Variants in SDK1 observed in about 807,000 individuals in gnomAD.
SDK1 encodes sidekick cell adhesion molecule 1.
Under a neutral mutation model 245.5 loss-of-function variants are expected in SDK1, and 157 were observed. The observed-to-expected ratio is 0.64, with a 90% CI of 0.56 to 0.73. The LOEUF (loss-of-function observed/expected upper bound fraction) is 0.73. SDK1 is among the 30% of genes least tolerant of loss of function. The probability of loss-of-function intolerance (pLI) is 0.00; values close to 1 mark genes in which losing one functional copy is unlikely to be tolerated. For missense variants in SDK1, 3,583 were observed against 3,002.3 expected (o/e 1.19, Z -4.52); for synonymous variants, 1,647 against 1,278.5 (o/e 1.29, Z -6.15).
At chr7:3,589,052 C>T (rs1170476439) in intron 1 of SDK1, among the ~76,000 whole-genome samples, 1 of 152,224 alleles carries the variant, frequency 6.6e-6, no homozygotes, top group Non-Finnish European at 1.5e-5. Context: ...TAGCTAACAG[C>T]TGTTTTACGG....
rs568093318 is a variant in SDK1, at chr7:3,911,261, A to G, written c.848-39662A>G. ...TAAAACCCATGCTTCTTTGTCCTCT[A>G]GATCCTGTACCCCCACTTTAGGAAG... On this transcript the variant is annotated intron_variant, in intron 5 of 44. Coordinates refer to ENST00000404826, the MANE Select transcript of SDK1 (RefSeq NM_152744.4). Among the ~76,000 whole-genome samples, 42 of 152,254 alleles carry G rather than the reference A, an allele frequency of 2.8e-4. 1 individual carries two copies. The South Asian group carries it at 7.0e-3, about 26-fold the overall frequency.
intron 7 of SDK1, 79 bp from the exon 8 acceptor site, chr7:3,958,852 C>G (rs1044598523): frequency 4.6e-6 from 5 of 1,084,286 alleles, no homozygotes; most frequent in South Asian, 4.0e-5. Context: ...TTAAGAGGAG[C>G]CCACACTATC....
chr7:3,690,209 A>C (rs1386859147), intron 4 of SDK1, among the ~76,000 whole-genome samples: 1 of 152,168 alleles, frequency 6.6e-6, no homozygotes, highest in Admixed American at 6.5e-5. Context: ...CACGACGCTA[A>C]TGTTTCCAGG....
At chr7:3,559,350 T>A (rs888334422) in intron 1 of SDK1, among the ~76,000 whole-genome samples, 6 of 152,206 alleles carry the variant, frequency 3.9e-5, no homozygotes, top group African/African-American at 1.4e-4. Context: ...TCCGCGGTTA[T>A]GCAGCATGGT....
At chr7:4,214,657 T>C (rs2077907) in intron 38 of SDK1, among the ~76,000 whole-genome samples, 6 of 152,256 alleles carry the variant, frequency 3.9e-5, no homozygotes, top group Admixed American at 2.6e-4. Flanking sequence ...CCCCCCACGT[T>C]TGGGCTTGCT....
chr7:3,837,529 T>C (rs1378227677), intron 5 of SDK1, among the ~76,000 whole-genome samples: 2 of 152,220 alleles, frequency 1.3e-5, no homozygotes, highest in Non-Finnish European at 2.9e-5. Flanking sequence ...TGTTTTTGGA[T>C]GAGAGGTTGC....
chr7:3,943,262 C>G (rs1456963545), intron 5 of SDK1, among the ~76,000 whole-genome samples: 1 of 152,004 alleles, frequency 6.6e-6, no homozygotes, highest in Non-Finnish European at 1.5e-5. Flanking sequence ...CAACTGTGCT[C>G]AGAGCCCTGA....
intron 4 of SDK1, among the ~76,000 whole-genome samples, chr7:3,781,541 A>G (rs1187141953): frequency 6.6e-6 from 1 of 152,236 alleles, no homozygotes; most frequent in African/African-American, 2.4e-5. Flanking sequence ...ACACCTGCAA[A>G]GAAAACTAAT....
At chr7:3,668,136 AT>A (rs1783592755) in intron 4 of SDK1, among the ~76,000 whole-genome samples, 1 of 152,194 alleles carries the variant, frequency 6.6e-6, no homozygotes, top group Non-Finnish European at 1.5e-5. Flanking sequence ...AGCCATTCTC[AT>A]TATGTTTTAC....
At chr7:3,644,392 A>T (rs1782755424) in intron 4 of SDK1, among the ~76,000 whole-genome samples, 3 of 151,978 alleles carry the variant, frequency 2.0e-5, no homozygotes, top group Admixed American at 6.6e-5. Flanking sequence ...TGATTCCAAT[A>T]ATAAAAGATG....
intron 1 of SDK1, among the ~76,000 whole-genome samples, chr7:3,370,800 C>T (rs2128563302): frequency 6.6e-6 from 1 of 152,292 alleles, no homozygotes; most frequent in South Asian, 2.1e-4. Context: ...GTGTGCATAG[C>T]TTTGGGAGGC....
intron 4 of SDK1, among the ~76,000 whole-genome samples, chr7:3,763,652 C>T (rs1211521115): frequency 6.6e-6 from 1 of 152,102 alleles, no homozygotes; most frequent in African/African-American, 2.4e-5. Context: ...GAACATAAAA[C>T]ACATATTTTT....
intron 1 of SDK1, among the ~76,000 whole-genome samples, chr7:3,612,135 C>T (rs1781614489): frequency 1.3e-5 from 2 of 152,124 alleles, no homozygotes; most frequent in Non-Finnish European, 2.9e-5. Context: ...ACATTGGGTA[C>T]AGTGTACACT....
intron 28 of SDK1, among the ~76,000 whole-genome samples, chr7:4,142,006 C>T (rs1052982732): frequency 1.3e-5 from 2 of 152,082 alleles, no homozygotes; most frequent in Non-Finnish European, 2.9e-5. Flanking sequence ...CCACCTGCCT[C>T]GGCCTCCCAA....
At chr7:3,956,649 C>G (rs745434361) in intron 7 of SDK1, among the ~76,000 whole-genome samples, 1 of 152,216 alleles carries the variant, frequency 6.6e-6, no homozygotes, top group African/African-American at 2.4e-5. Context: ...CAGGCGGTGG[C>G]AGGCTGCCCC....
At chr7:3,933,173 T>G (rs1026659875) in intron 5 of SDK1, among the ~76,000 whole-genome samples, 2 of 146,208 alleles carry the variant, frequency 1.4e-5, no homozygotes, top group African/African-American at 5.2e-5. Context: ...TACAGTGGCT[T>G]GATCATAGCT....
At chr7:3,669,815 GT>G (rs1783641462) in intron 4 of SDK1, among the ~76,000 whole-genome samples, 1 of 152,176 alleles carries the variant, frequency 6.6e-6, no homozygotes, top group Non-Finnish European at 1.5e-5. Context: ...TTTTCCTGGA[GT>G]TTTTTCAAAG....
chr7:3,742,045 G>A (rs545755552), intron 4 of SDK1, among the ~76,000 whole-genome samples: 36 of 146,548 alleles, frequency 2.5e-4, no homozygotes, highest in African/African-American at 5.3e-4. Context: ...TAGAATTAGC[G>A]CTTAAAATAG....
intron 5 of SDK1, among the ~76,000 whole-genome samples, chr7:3,932,837 G>A (rs1220480857): frequency 6.6e-6 from 1 of 152,300 alleles, no homozygotes; most frequent in Non-Finnish European, 1.5e-5. Context: ...AAAAGAGAGG[G>A]ACAGAGAGAC....
Sources: allele counts gnomAD v4.1 joint callset (sites outside exome capture counted in the v4.1 genomes callset), GRCh38; gene constraint gnomAD v4.1.1; transcripts MANE v1.5; gene names NCBI Gene and HGNC (gene_info 2026-07-23, HGNC 2026-07-21).